The following PCBP3 variants were observed in gnomAD, a reference collection of about 807,000 sequenced individuals.
The protein encoded by PCBP3 is poly(rC) binding protein 3, also known as poly(rC)-binding protein 3.
In PCBP3, 25 loss-of-function variants were observed where a neutral mutation model predicts 52.7. That is an observed-to-expected ratio of 0.47 (90% CI 0.35 to 0.66). PCBP3 has a LOEUF of 0.66. Ranked by LOEUF, PCBP3 falls within the 30% of genes least tolerant of loss-of-function variation. The pLI, the probability that PCBP3 is intolerant of heterozygous loss-of-function variation, is 0.01. For missense variants in PCBP3, 391 were observed against 490.3 expected (o/e 0.80, Z 1.91); for synonymous variants, 162 against 183.0 (o/e 0.89, Z 0.93).
chr21:45,879,489 A>G (rs960003348), intron 5 of PCBP3, among the ~76,000 whole-genome samples: 2 of 152,246 alleles, frequency 1.3e-5, no homozygotes, highest in African/African-American at 4.8e-5. Context: ...CGAGACCTGC[A>G]GACAATGCAG....
chr21:45,701,823 G>A (rs748396438), intron 2 of PCBP3, among the ~76,000 whole-genome samples: 1 of 152,180 alleles, frequency 6.6e-6, no homozygotes, highest in African/African-American at 2.4e-5. Flanking sequence ...GCCTCCCAAA[G>A]TTCTGGGATT....
intron 2 of PCBP3, among the ~76,000 whole-genome samples, chr21:45,683,923 CA>C (rs1200704609): frequency 1.2e-4 from 17 of 145,716 alleles, no homozygotes; most frequent in Admixed American, 4.1e-4. Context: ...GACTCCATCT[CA>C]AAAAAAAAAT....
intron 4 of PCBP3, among the ~76,000 whole-genome samples, chr21:45,792,809 C>G (rs1048764775): frequency 1.3e-5 from 2 of 152,192 alleles, no homozygotes; most frequent in African/African-American, 4.8e-5. Flanking sequence ...GCTGGCAGCA[C>G]TTACTCAGAG....
At chr21:45,792,326 A>C (rs1052463741) in intron 4 of PCBP3, among the ~76,000 whole-genome samples, 3 of 152,134 alleles carry the variant, frequency 2.0e-5, no homozygotes, top group African/African-American at 7.2e-5. Context: ...GGCTCAGTGG[A>C]GGGTCTGGCT....
chr21:45,861,069 G>A (rs2094493186), intron 5 of PCBP3, among the ~76,000 whole-genome samples: 3 of 152,146 alleles, frequency 2.0e-5, no homozygotes, highest in Admixed American at 6.5e-5. Flanking sequence ...TTCCCCTCCT[G>A]CCTCTGGGCT....
intron 2 of PCBP3, among the ~76,000 whole-genome samples, chr21:45,720,022 A>G (rs2084508939): frequency 6.6e-6 from 1 of 152,194 alleles, no homozygotes. Flanking sequence ...CCAGTCCTTT[A>G]TGCCTAAAGA....
intron 2 of PCBP3, among the ~76,000 whole-genome samples, chr21:45,686,658 T>G (rs1201128099): frequency 6.6e-6 from 1 of 152,140 alleles, no homozygotes; most frequent in South Asian, 2.1e-4. Context: ...TATAAATATG[T>G]AGAAGTACTT....
intron 9 of PCBP3, among the ~76,000 whole-genome samples, chr21:45,903,676 G>A (rs1036227192): frequency 6.6e-6 from 1 of 152,116 alleles, no homozygotes; most frequent in Non-Finnish European, 1.5e-5. Flanking sequence ...GACAACCAGG[G>A]GTCCATGGAG....
chr21:45,798,803 T>C (rs545376257), intron 4 of PCBP3, among the ~76,000 whole-genome samples: 1 of 150,250 alleles, frequency 6.7e-6, no homozygotes, highest in African/African-American at 2.5e-5. Flanking sequence ...AGAGAGTGAA[T>C]GCGTACATGG....
intron 4 of PCBP3, among the ~76,000 whole-genome samples, chr21:45,822,324 C>A (rs558307242): frequency 1.3e-5 from 2 of 152,326 alleles, no homozygotes; most frequent in South Asian, 2.1e-4. Flanking sequence ...TTTTCTGGGG[C>A]CTTCTCCGGT....
chr21:45,696,079 C>CAAA (rs71185164), intron 2 of PCBP3, among the ~76,000 whole-genome samples: 18 of 39,620 alleles, frequency 4.5e-4, no homozygotes, highest in African/African-American at 1.0e-3. Flanking sequence ...GACTCTGTCT[C>CAAA]AAAAAAAAAA....
intron 15 of PCBP3, among the ~76,000 whole-genome samples, chr21:45,932,722 A>G (rs2076412278): frequency 6.6e-6 from 1 of 151,626 alleles, no homozygotes. Context: ...CACATTGGCC[A>G]TGCTGTCCTG....
chr21:45,872,861 T>C (rs905662848), intron 5 of PCBP3: 9 of 152,238 alleles, frequency 5.9e-5, no homozygotes, highest in Non-Finnish European at 1.3e-4. Flanking sequence ...ACGATGCCCA[T>C]CCATTCCTAA....
At chr21:45,835,158 C>G (rs2147854938) in intron 4 of PCBP3, among the ~76,000 whole-genome samples, 1 of 152,294 alleles carries the variant, frequency 6.6e-6, no homozygotes, top group South Asian at 2.1e-4. Flanking sequence ...GAGGTGAGAG[C>G]CAGATGAGGG....
At chr21:45,835,535 C>T (rs974434729) in intron 4 of PCBP3, among the ~76,000 whole-genome samples, 3 of 152,244 alleles carry the variant, frequency 2.0e-5, no homozygotes, top group African/African-American at 7.2e-5. Flanking sequence ...TCTGAGAGGT[C>T]AGAGAGGCAG....
intron 2 of PCBP3, among the ~76,000 whole-genome samples, chr21:45,721,181 G>A (rs944922524): frequency 6.6e-6 from 1 of 152,206 alleles, no homozygotes; most frequent in Non-Finnish European, 1.5e-5. Flanking sequence ...GGGAGGCCAA[G>A]GCAGTAGGAT....
intron 5 of PCBP3, among the ~76,000 whole-genome samples, chr21:45,883,171 T>G (rs1350630922): frequency 1.3e-5 from 2 of 152,244 alleles, no homozygotes; most frequent in African/African-American, 4.8e-5. Flanking sequence ...TGTTCATATA[T>G]GTGTTTCATT....
intron 12 of PCBP3, chr21:45,916,062 C>T (rs993448547): frequency 6.6e-6 from 1 of 152,328 alleles, no homozygotes; most frequent in Non-Finnish European, 1.5e-5. Flanking sequence ...CACCGCGTTT[C>T]TAGCACGACA....
intron 1 of PCBP3, among the ~76,000 whole-genome samples, chr21:45,648,552 A>G (rs1569073388): frequency 1.3e-5 from 2 of 152,230 alleles, no homozygotes; most frequent in South Asian, 2.1e-4. Flanking sequence ...TAGACCAGGT[A>G]TGCACTTACC....
Sources: gnomAD v4.1 joint callset for allele counts (sites outside exome capture counted in the v4.1 genomes callset) on GRCh38, gnomAD v4.1.1 for gene constraint, MANE v1.5 for transcripts, NCBI Gene and HGNC (gene_info 2026-07-23, HGNC 2026-07-21) for gene names.